Variants in ZFAND3 observed in about 807,000 individuals in gnomAD.
ZFAND3 encodes zinc finger AN1-type containing 3.
ZFAND3 carries 10 observed loss-of-function variants against 29.6 expected under a neutral mutation model. The observed-to-expected ratio is 0.34, with a 90% CI of 0.21 to 0.57. ZFAND3 has a LOEUF of 0.57. Among genes scored for constraint, ZFAND3 ranks in the 20% least tolerant of loss-of-function variants. The pLI is 0.86. For missense variants in ZFAND3, 230 were observed against 304.5 expected (o/e 0.76, Z 1.82); for synonymous variants, 128 against 112.6 (o/e 1.14, Z -0.87).
intron 2 of ZFAND3, among the ~76,000 whole-genome samples, chr6:37,940,347 A>G (rs1761790122): frequency 6.6e-6 from 1 of 152,192 alleles, no homozygotes; most frequent in Non-Finnish European, 1.5e-5. Flanking sequence ...TCCTGGATAT[A>G]ATACCCACTT....
At position 37,838,922 on chromosome 6, in the gene ZFAND3, A is replaced by G. The variant is rs75613040; in HGVS notation, c.71+18906A>G. On this transcript the variant is annotated intron_variant, in intron 1 of 5. Transcript: ENST00000287218. ...TTTTCCAGAGCAACTACATTATTTTACATTCCCACCAGCAATGTATGAAGA... is the reference window on the plus strand; with the variant it reads ...TTTTCCAGAGCAACTACATTATTTTGCATTCCCACCAGCAATGTATGAAGA... Among the ~76,000 whole-genome samples, 15 of 152,286 alleles carry G rather than the reference A, an allele frequency of 9.8e-5. No homozygotes were observed. The East Asian group carries it at 2.7e-3, about 27-fold the overall frequency.
chr6:38,092,782 T>C (rs574143946), intron 4 of ZFAND3, among the ~76,000 whole-genome samples: 34 of 152,372 alleles, frequency 2.2e-4, no homozygotes, highest in African/African-American at 7.9e-4. Flanking sequence ...AGGAGAAATC[T>C]GTAACGGAGC....
intron 5 of ZFAND3, among the ~76,000 whole-genome samples, chr6:38,149,525 A>G (rs1041052474): frequency 2.8e-4 from 42 of 151,974 alleles, no homozygotes; most frequent in Non-Finnish European, 1.2e-4. Flanking sequence ...CAGGGTAGCT[A>G]CTGTGATAGA....
chr6:37,820,325 C>T (rs960160127), intron 1 of ZFAND3, among the ~76,000 whole-genome samples: 1 of 152,172 alleles, frequency 6.6e-6, no homozygotes, highest in South Asian at 2.1e-4. Context: ...GAGGGGGCGG[C>T]GTTGACCGCT....
chr6:37,922,943 T>C (rs1292620702), intron 1 of ZFAND3, among the ~76,000 whole-genome samples: 1 of 152,230 alleles, frequency 6.6e-6, no homozygotes, highest in Non-Finnish European at 1.5e-5. Flanking sequence ...ACACTAAGTT[T>C]ATTTTTAAAA....
At chr6:37,999,228 C>G (rs950292719) in intron 2 of ZFAND3, among the ~76,000 whole-genome samples, 7 of 152,178 alleles carry the variant, frequency 4.6e-5, no homozygotes. Flanking sequence ...AAATAAAATA[C>G]TAACAAGTTG....
chr6:38,152,471 T>TGTACTGGGC lies in ZFAND3; in HGVS notation c.*83_*91dup, dbSNP rs1766248686. On this transcript the variant is annotated 3_prime_UTR_variant, in exon 6 of 6. Transcript: ENST00000287218. ...TTAGGACAAAGTCAGCCAGACACCT[T>TGTACTGGGC]GTACTGGGCACGCGTCAGACTGCAG... 1 of 1,454,580 alleles carries TGTACTGGGC rather than the reference T, an allele frequency of 6.9e-7. No individual in the cohort carries two copies. The highest frequency in any genetic ancestry group is 9.1e-7 in the Non-Finnish European group (1 of 1,104,698). The allele number at this position is 1,454,580 out of a possible 1,614,324, so 90.1% of individuals were successfully genotyped here.
intron 2 of ZFAND3, among the ~76,000 whole-genome samples, chr6:38,034,962 G>A (rs1763631011): frequency 6.6e-6 from 1 of 152,110 alleles, no homozygotes; most frequent in Non-Finnish European, 1.5e-5. Context: ...ATTGTTGATG[G>A]TTGTCTTGCT....
intron 2 of ZFAND3, among the ~76,000 whole-genome samples, chr6:37,994,635 T>C (rs1246564559): frequency 1.3e-5 from 2 of 151,956 alleles, no homozygotes; most frequent in Non-Finnish European, 2.9e-5. Flanking sequence ...GCCTTTATAA[T>C]ATTAAATATG....
At chr6:38,092,941 C>T (rs189508678) in intron 4 of ZFAND3, among the ~76,000 whole-genome samples, 93 of 152,256 alleles carry the variant, frequency 6.1e-4, no homozygotes, top group African/African-American at 2.1e-3. Context: ...CAGGAGACTT[C>T]CTACTGTTAG....
intron 5 of ZFAND3, among the ~76,000 whole-genome samples, chr6:38,144,657 A>G (rs1013571224): frequency 6.6e-5 from 10 of 152,344 alleles, no homozygotes; most frequent in African/African-American, 2.2e-4. Context: ...ACTTTTGACA[A>G]TTTAAAATTT....
At chr6:38,023,698 T>G (rs1477367647) in intron 2 of ZFAND3, among the ~76,000 whole-genome samples, 1 of 152,234 alleles carries the variant, frequency 6.6e-6, no homozygotes, top group African/African-American at 2.4e-5. Flanking sequence ...AAATGTCTTT[T>G]ACTTGTCTGG....
intron 2 of ZFAND3, among the ~76,000 whole-genome samples, chr6:37,957,897 T>G (rs1762111441): frequency 6.6e-6 from 1 of 152,192 alleles, no homozygotes. Flanking sequence ...ATGCTGTGTG[T>G]GTGACATATA....
intron 1 of ZFAND3, among the ~76,000 whole-genome samples, chr6:37,826,813 C>G (rs1477223367): frequency 6.6e-6 from 1 of 151,818 alleles, no homozygotes; most frequent in South Asian, 2.1e-4. Context: ...AATGGCACTG[C>G]CCAGTATGGT....
chr6:37,944,094 A>G (rs951889206), intron 2 of ZFAND3, among the ~76,000 whole-genome samples: 6 of 152,192 alleles, frequency 3.9e-5, no homozygotes, highest in African/African-American at 1.4e-4. Flanking sequence ...GAGTTGATAC[A>G]GTTGTCAAAT....
chr6:37,823,951 C>T (rs1394758584), intron 1 of ZFAND3, among the ~76,000 whole-genome samples: 4 of 152,086 alleles, frequency 2.6e-5, no homozygotes, highest in African/African-American at 9.7e-5. Context: ...GCCACCACAC[C>T]CAGCTAATTT....
intron 3 of ZFAND3, among the ~76,000 whole-genome samples, chr6:38,078,539 G>T (rs1183504930): frequency 7.2e-5 from 11 of 152,166 alleles, no homozygotes; most frequent in African/African-American, 2.7e-4. Flanking sequence ...TTTCAGGTTG[G>T]TTAATCTTGA....
chr6:38,074,286 T>C (rs1457005176), intron 3 of ZFAND3, among the ~76,000 whole-genome samples: 1 of 152,208 alleles, frequency 6.6e-6, no homozygotes, highest in East Asian at 1.9e-4. Context: ...CAGGCCACTC[T>C]CATTATTTTT....
intron 4 of ZFAND3, among the ~76,000 whole-genome samples, chr6:38,107,309 T>C (rs1486484993): frequency 6.6e-6 from 1 of 152,202 alleles, no homozygotes; most frequent in East Asian, 1.9e-4. Context: ...ACATGAGCCA[T>C]ATTCTGATGT....
Sources: gnomAD v4.1 joint callset for allele counts (sites outside exome capture counted in the v4.1 genomes callset) on GRCh38, gnomAD v4.1.1 for gene constraint, MANE v1.5 for transcripts, NCBI Gene and HGNC (gene_info 2026-07-23, HGNC 2026-07-21) for gene names.